The following LPP variants were observed in gnomAD, a reference collection of about 807,000 sequenced individuals.
The protein encoded by LPP is LIM domain containing preferred translocation partner in lipoma, also known as lipoma-preferred partner.
Under a neutral mutation model 60.4 loss-of-function variants are expected in LPP, and 38 were observed. The observed-to-expected ratio is 0.63, with a 90% CI of 0.49 to 0.83. LPP has a LOEUF of 0.83. LPP is among the 40% of genes least tolerant of loss of function. The pLI, the probability that LPP is intolerant of heterozygous loss-of-function variation, is 0.00. For missense variants in LPP, 902 were observed against 783.6 expected (o/e 1.15, Z -1.80); for synonymous variants, 328 against 290.8 (o/e 1.13, Z -1.30).
chr3:188,779,511 T>G (rs1455779458), intron 9 of LPP, among the ~76,000 whole-genome samples: 1 of 152,066 alleles, frequency 6.6e-6, no homozygotes, highest in East Asian at 1.9e-4. Context: ...TTTCATTTTG[T>G]GCCAAGTAAC....
At chr3:188,544,208 T>C (rs1304112745) in intron 6 of LPP, among the ~76,000 whole-genome samples, 2 of 152,178 alleles carry the variant, frequency 1.3e-5, no homozygotes, top group Admixed American at 1.3e-4. Context: ...AACTCCTGAC[T>C]TAGTACAGAT....
chr3:188,843,074 A>G (rs1001146843), intron 9 of LPP, among the ~76,000 whole-genome samples: 4 of 152,160 alleles, frequency 2.6e-5, no homozygotes, highest in African/African-American at 7.2e-5. Context: ...TTTGTTGTTT[A>G]GTATGCCACG....
intron 9 of LPP, among the ~76,000 whole-genome samples, chr3:188,793,596 A>G (rs898975103): frequency 3.3e-5 from 5 of 152,062 alleles, no homozygotes; most frequent in African/African-American, 7.2e-5. Context: ...AGTAAAGCCT[A>G]CTCATATGGG....
chr3:188,704,315 GTAGT>G (rs1292578488), intron 7 of LPP, among the ~76,000 whole-genome samples: 1 of 152,102 alleles, frequency 6.6e-6, no homozygotes, highest in Admixed American at 6.5e-5. Context: ...TTGTCTGAAA[GTAGT>G]TAAACTCTAT....
intron 6 of LPP, among the ~76,000 whole-genome samples, chr3:188,549,237 T>C (rs1325389194): frequency 6.6e-6 from 1 of 152,230 alleles, no homozygotes; most frequent in Non-Finnish European, 1.5e-5. Context: ...TTAATCATTT[T>C]ATCTTTTTTT....
chr3:188,573,971 C>G (rs1241400685), intron 6 of LPP, among the ~76,000 whole-genome samples: 3 of 152,106 alleles, frequency 2.0e-5, no homozygotes, highest in Non-Finnish European at 4.4e-5. Flanking sequence ...AATAGGGAGC[C>G]AGAATTATTA....
At chr3:188,636,146 G>A (rs1026344341) in intron 7 of LPP, among the ~76,000 whole-genome samples, 8 of 152,198 alleles carry the variant, frequency 5.3e-5, no homozygotes, top group East Asian at 1.9e-4. Flanking sequence ...CTGAGGTACC[G>A]GGTTCATCTC....
chr3:188,755,488 A>G (rs923892083), intron 8 of LPP, among the ~76,000 whole-genome samples: 1 of 152,120 alleles, frequency 6.6e-6, no homozygotes, highest in Non-Finnish European at 1.5e-5. Context: ...AAACAAATTC[A>G]TATTACCAAA....
At chr3:188,287,301 C>T (rs1744265294) in intron 2 of LPP, among the ~76,000 whole-genome samples, 1 of 152,214 alleles carries the variant, frequency 6.6e-6, no homozygotes, top group Admixed American at 6.5e-5. Flanking sequence ...CATCCCCCGC[C>T]CCGTGTGTTA....
At chr3:188,436,365 C>G (rs1792300755) in intron 4 of LPP, among the ~76,000 whole-genome samples, 1 of 152,156 alleles carries the variant, frequency 6.6e-6, no homozygotes, top group African/African-American at 2.4e-5. Context: ...AACGGAGCCA[C>G]TAGTGCTTAG....
Position 188,611,626 on chromosome 3 carries a change from A to G in LPP, c.1113+1782A>G, listed in dbSNP as rs539794203. On this transcript the variant is annotated intron_variant, in intron 7 of 11. Coordinates refer to ENST00000617246, the MANE Select transcript of LPP (RefSeq NM_001375462.1). ...ATTTAGCCCTGCCCAAAACAGGGTG[A>G]CTGAAAGGATGGCTGAGTGATGTTC... 2.3e-3 allele frequency among the ~76,000 whole-genome samples: 356 copies of G among 152,356 alleles called. 1 individual carries two copies. The highest frequency in any genetic ancestry group is 7.8e-3 in the African/African-American group (326 of 41,588).
intron 6 of LPP, among the ~76,000 whole-genome samples, chr3:188,576,026 C>T (rs1217527413): frequency 6.6e-6 from 1 of 152,130 alleles, no homozygotes; most frequent in East Asian, 1.9e-4. Flanking sequence ...ACTTTCCACC[C>T]CCAAGCACAC....
chr3:188,759,838 G>T (rs962478605), intron 8 of LPP, among the ~76,000 whole-genome samples: 1 of 152,088 alleles, frequency 6.6e-6, no homozygotes. Flanking sequence ...GCCAGCGACC[G>T]GGTTCTACTG....
intron 6 of LPP, among the ~76,000 whole-genome samples, chr3:188,576,219 A>G (rs1580100945): frequency 2.0e-5 from 3 of 152,270 alleles, no homozygotes; most frequent in African/African-American, 7.2e-5. Flanking sequence ...TTTAGTTCAA[A>G]CCAATTGGTG....
At chr3:188,608,106 T>G (rs62291686) in intron 6 of LPP, among the ~76,000 whole-genome samples, 20,722 of 152,116 alleles carry the variant, frequency 0.14, 1,847 homozygotes, top group East Asian at 0.35. Context: ...GATTTCTACA[T>G]TTTCAATCAG....
chr3:188,631,473 G>A (rs963938271), intron 7 of LPP, among the ~76,000 whole-genome samples: 10 of 152,248 alleles, frequency 6.6e-5, no homozygotes, highest in South Asian at 2.1e-4. Flanking sequence ...CAAGTCAGCC[G>A]TGCATTTATA....
At chr3:188,621,076 A>C (rs150961668) in intron 7 of LPP, among the ~76,000 whole-genome samples, 1 of 152,292 alleles carries the variant, frequency 6.6e-6, no homozygotes, top group African/African-American at 2.4e-5. Context: ...CTGTGTTAAG[A>C]AACCTGCACA....
chr3:188,665,399 T>G (rs1209535455), intron 7 of LPP, among the ~76,000 whole-genome samples: 3 of 152,100 alleles, frequency 2.0e-5, no homozygotes, highest in African/African-American at 4.8e-5. Context: ...AGTAGTTGTT[T>G]TATTAGAAAA....
At chr3:188,533,757 C>T (rs1386193252) in intron 6 of LPP, among the ~76,000 whole-genome samples, 2 of 152,058 alleles carry the variant, frequency 1.3e-5, no homozygotes, top group South Asian at 2.1e-4. Context: ...AGCCTGTACC[C>T]GCCAGAAAAC....
Sources: gnomAD v4.1 joint callset for allele counts (sites outside exome capture counted in the v4.1 genomes callset) on GRCh38, gnomAD v4.1.1 for gene constraint, MANE v1.5 for transcripts, NCBI Gene and HGNC (gene_info 2026-07-23, HGNC 2026-07-21) for gene names.